The following CKAP2L variants were observed in gnomAD, a reference collection of about 807,000 sequenced individuals.
The protein encoded by CKAP2L is cytoskeleton associated protein 2L.
A neutral mutation model predicts 65.7 loss-of-function variants in CKAP2L; 42 were observed. That is an observed-to-expected ratio of 0.64 (90% CI 0.50 to 0.83). CKAP2L has a LOEUF of 0.83. CKAP2L is among the 40% of genes least tolerant of loss of function. CKAP2L has a pLI of 0.00. For missense variants in CKAP2L, 908 were observed against 871.0 expected, an observed-to-expected ratio of 1.04 and a Z score of -0.53; for synonymous variants, 325 against 313.5, an observed-to-expected ratio of 1.04 and a Z score of -0.39.
chr2:112,756,430 T>C lies in CKAP2L; in HGVS notation c.941A>G (p.Asn314Ser). ...AGGGTATGACCGTATCTTAGTTTCA[T>C]TTGGTCTTTCATATTGACTCCTATT... ...KVNRSQYERP[N>S]ETKIRSYPVT... is the part of the protein sequence containing the mutation. Residue 314 changes from asparagine to serine, a missense_variant, in exon 4 of 9, where the codon AAT (asparagine) becomes AGT (serine). Physicochemically the swap from Asn to Ser is conservative, Grantham distance 46. Transcript: ENST00000302450. 4 of 1,614,006 alleles carry C rather than the reference T, an allele frequency of 2.5e-6. No homozygotes were observed. The highest frequency in any genetic ancestry group is 3.4e-6 in the Non-Finnish European group (4 of 1,179,952).
intron 6 of CKAP2L, 105 bp downstream of exon 6, chr2:112,746,315 T>C: frequency 1.2e-6 from 1 of 859,366 alleles, no homozygotes; most frequent in Non-Finnish European, 1.8e-6. Flanking sequence ...TTATAAGTGT[T>C]GGATATTGAT....
At chr2:112,747,382 A>G (rs577275870) in intron 5 of CKAP2L, among the ~76,000 whole-genome samples, 1 of 152,336 alleles carries the variant, frequency 6.6e-6, no homozygotes, top group African/African-American at 2.4e-5. Flanking sequence ...AAACATTTAC[A>G]TATTCATAAT....
intron 1 of CKAP2L, chr2:112,764,119 G>A: frequency 4.4e-6 from 1 of 225,792 alleles, no homozygotes; most frequent in Non-Finnish European, 9.1e-6. Flanking sequence ...GAGAGGTGTG[G>A]AGTGAGAGCC....
At chr2:112,746,006 T>C (rs1158433541) in intron 6 of CKAP2L, among the ~76,000 whole-genome samples, 1 of 152,222 alleles carries the variant, frequency 6.6e-6, no homozygotes, top group Non-Finnish European at 1.5e-5. Context: ...GAGGTCTTAC[T>C]GAACGAAACT....
chr2:112,740,951 C>G lies in CKAP2L; in HGVS notation c.1879G>C (p.Ala627Pro). ...ETSITSVEELAKKMESVKSCL... is the reference protein window; with the variant it reads ...ETSITSVEELPKKMESVKSCL... ...GACTTCACAGATTCCATCTTCTTGG[C>G]CAGCTCTTCCACTGATGTTATACTA... is the stretch of plus-strand genomic sequence containing the variant. Residue 627 changes from alanine to proline, a missense_variant, in exon 8 of 9, where the codon GCC becomes CCC. Coordinates refer to ENST00000302450, the MANE Select transcript of CKAP2L (RefSeq NM_152515.5). 1.9e-6 allele frequency: 3 copies of G among 1,613,814 alleles called. No individual in the cohort carries two copies. The highest frequency in any genetic ancestry group is 1.7e-6 in the Non-Finnish European group (2 of 1,179,818).
At chr2:112,754,215 T>C (rs1680465137) in intron 4 of CKAP2L, among the ~76,000 whole-genome samples, 1 of 152,222 alleles carries the variant, frequency 6.6e-6, no homozygotes, top group Admixed American at 6.5e-5. Context: ...GCCCCCCTCC[T>C]GGCAATCACT....
At position 112,755,968 on chromosome 2, in the gene CKAP2L, G is replaced by A; in HGVS notation, c.1394+9C>T. On this transcript the variant is annotated intron_variant, in intron 4 of 8. Transcript: ENST00000302450. Reference sequence around the variant, plus strand: ...TAAGTTGCAAAAGCTTAGAATTAAAGCAAAGTACCTTCGATCCTCTGCTGT... The same window carrying A: ...TAAGTTGCAAAAGCTTAGAATTAAAACAAAGTACCTTCGATCCTCTGCTGT... The A allele has an allele frequency of 6.5e-7, 1 of 1,544,842 alleles. No individual in the cohort carries two copies. Among genetic ancestry groups the A allele is most frequent in the East Asian group, 2.3e-5 (1 of 44,342 alleles).
intron 5 of CKAP2L, among the ~76,000 whole-genome samples, chr2:112,751,561 C>A (rs75555647): frequency 6.6e-6 from 1 of 152,226 alleles, no homozygotes; most frequent in East Asian, 1.9e-4. Flanking sequence ...AACTCAAGTT[C>A]AATTCCACAA....
At chr2:112,749,093 G>A (rs562276968) in intron 5 of CKAP2L, among the ~76,000 whole-genome samples, 1 of 152,258 alleles carries the variant, frequency 6.6e-6, no homozygotes, top group Non-Finnish European at 1.5e-5. Flanking sequence ...TAATAAATGT[G>A]TACGAACTAA....
rs1347601014 is a variant in CKAP2L, at chr2:112,742,692, A to G, written c.1822+14T>C. On this transcript the variant is annotated intron_variant, in intron 7 of 8. Coordinates refer to ENST00000302450, the MANE Select transcript of CKAP2L (RefSeq NM_152515.5). Reference sequence around the variant, plus strand: ...AGCTAGAGAAGATGAATTTAAATTCAAAAATAATAGTACCTTCTGTGGTTC... The same window carrying G: ...AGCTAGAGAAGATGAATTTAAATTCGAAAATAATAGTACCTTCTGTGGTTC... The G allele has an allele frequency of 1.9e-6, 3 of 1,542,868 alleles. No homozygotes were observed. Among genetic ancestry groups the G allele is most frequent in the Non-Finnish European group, 2.7e-6 (3 of 1,124,904 alleles).
chr2:112,748,686 C>A (rs1214960266), intron 5 of CKAP2L, among the ~76,000 whole-genome samples: 2 of 151,996 alleles, frequency 1.3e-5, no homozygotes, highest in Non-Finnish European at 2.9e-5. Context: ...CACAGTGAGA[C>A]CCTGTGTCTA....
At chr2:112,763,018 T>G (rs1164347699) in intron 1 of CKAP2L, among the ~76,000 whole-genome samples, 1 of 152,170 alleles carries the variant, frequency 6.6e-6, no homozygotes. Context: ...ATTCCTGAGC[T>G]CAAGTGACCC....
chr2:112,759,325 T>C (rs1331785784), intron 3 of CKAP2L, among the ~76,000 whole-genome samples: 1 of 152,224 alleles, frequency 6.6e-6, no homozygotes, highest in Admixed American at 6.5e-5. Flanking sequence ...TATATAAACA[T>C]GTCTGGGTGT....
chr2:112,763,542 A>G (rs1680797042), intron 1 of CKAP2L, among the ~76,000 whole-genome samples: 1 of 152,152 alleles, frequency 6.6e-6, no homozygotes, highest in South Asian at 2.1e-4. Flanking sequence ...ACACAGCAAC[A>G]ATTACAGTAT....
Position 112,764,475 on chromosome 2 carries a change from C to G in CKAP2L, c.37+87G>C, listed in dbSNP as rs914348172. 22 of 1,460,130 alleles carry G rather than the reference C, an allele frequency of 1.5e-5. No homozygotes were observed. In the South Asian group the frequency reaches 2.4e-4, roughly 16 times the overall value. The allele number at this position is 1,460,130 out of a possible 1,614,324, so 90.4% of individuals were successfully genotyped here. On this transcript the variant is annotated intron_variant, in intron 1 of 8. Transcript: ENST00000302450. The stretch of plus-strand genomic sequence containing the variant: ...TAGGCAGGCGAGCGGACGGGCACCT[C>G]CCGCGGGACGAACTCACTCGGTGGC...
intron 1 of CKAP2L, 21 bp from the exon 2 acceptor site, chr2:112,762,590 C>G: frequency 1.3e-6 from 2 of 1,595,086 alleles, no homozygotes; most frequent in Non-Finnish European, 1.7e-6. Flanking sequence ...GGCAAGCAAA[C>G]AAACGACATA....
intron 4 of CKAP2L, among the ~76,000 whole-genome samples, chr2:112,755,146 A>G (rs1005100610): frequency 1.3e-5 from 2 of 152,174 alleles, no homozygotes; most frequent in Non-Finnish European, 2.9e-5. Context: ...CTTATTTTCT[A>G]CTTCAAGCAG....
intron 6 of CKAP2L, among the ~76,000 whole-genome samples, chr2:112,744,176 T>C (rs1558756038): frequency 6.6e-6 from 1 of 152,232 alleles, no homozygotes; most frequent in Non-Finnish European, 1.5e-5. Context: ...GGATTAAATA[T>C]ACGTTTATTT....
chr2:112,742,841 T>C (rs1680061278), intron 6 of CKAP2L, 72 bp from the exon 7 acceptor site: 1 of 936,542 alleles, frequency 1.1e-6, no homozygotes, highest in African/African-American at 1.7e-5. Flanking sequence ...GAACTTTAAC[T>C]TCAAATACAT....
Sources: allele counts gnomAD v4.1 joint callset (sites outside exome capture counted in the v4.1 genomes callset), GRCh38; gene constraint gnomAD v4.1.1; transcripts MANE v1.5; gene names NCBI Gene and HGNC (gene_info 2026-07-23, HGNC 2026-07-21).